The following SETSIP variants were observed in gnomAD, a reference collection of about 807,000 sequenced individuals.
SETSIP encodes protein SETSIP.
In SETSIP, 15 loss-of-function variants were observed where a neutral mutation model predicts 21.9. The ratio of observed to expected loss-of-function variants is 0.69; its 90% confidence interval spans 0.46 to 1.06. SETSIP has a LOEUF of 1.06. Among genes scored for constraint, SETSIP ranks in the 50% least tolerant of loss-of-function variants. The probability of loss-of-function intolerance (pLI) is 0.00; values close to 1 mark genes in which losing one functional copy is unlikely to be tolerated. For synonymous variants in SETSIP, 101 were observed against 121.2 expected (o/e 0.83, Z 1.09); for missense variants, 310 against 337.4 (o/e 0.92, Z 0.64).
At chr1:92,074,674 A>AACC in exon 1 of SETSIP, 1 of 1,584,160 alleles carries the variant, frequency 6.3e-7, no homozygotes, top group Non-Finnish European at 8.5e-7. Flanking sequence ...CATCATCATC[A>AACC]TCTTCTCCTC....
chr1:92,075,059 T>A lies in SETSIP; in HGVS notation c.353A>T (p.His118Leu). 5 of 1,611,956 alleles carry A rather than the reference T, an allele frequency of 3.1e-6. No individual in the cohort carries two copies. The Admixed American group carries it at 8.3e-5, about 27-fold the overall frequency. The stretch of plus-strand genomic sequence containing the variant: ...TGTCACTTCAACTTTAGTCAAATAA[T>A]GCAGTGCCTCTTCGTCCTCCTCCCC... The change falls in exon 1 of 1, where the codon CAT becomes CTT. Residue 118 changes from histidine to leucine, a missense_variant. Physicochemically the swap from His to Leu is moderately conservative, Grantham distance 99 (BLOSUM62 -3). Transcript: ENST00000596516.
chr1:92,075,303 C>T, exon 1 of SETSIP: 1 of 1,611,820 alleles, frequency 6.2e-7, no homozygotes, highest in South Asian at 1.1e-5. Context: ...TCTTTTTCTC[C>T]CTTCTTCGGC....
At chr1:92,075,402 T>G (rs2101882427) in exon 1 of SETSIP, 4 of 1,585,488 alleles carry the variant, frequency 2.5e-6, no homozygotes, top group Non-Finnish European at 3.4e-6. Flanking sequence ...GACTGGCGTT[T>G]AGGGGCCATG....
At chr1:92,074,674 A>T (rs1432028642) in exon 1 of SETSIP, 10 of 1,584,030 alleles carry the variant, frequency 6.3e-6, no homozygotes, top group South Asian at 4.7e-5. Flanking sequence ...CATCATCATC[A>T]TCTTCTCCTC....
chr1:92,074,709 C>G, exon 1 of SETSIP: 1 of 1,600,362 alleles, frequency 6.2e-7, no homozygotes, highest in Non-Finnish European at 8.5e-7. Flanking sequence ...ATATCAGGAA[C>G]CAAGTAATAC....
Position 92,075,000 on chromosome 1 carries a change from C to CA in SETSIP, c.411_412insT (p.Asp138Ter). 1.9e-6 allele frequency: 3 copies of CA among 1,611,446 alleles called. No homozygotes were observed. Among genetic ancestry groups the CA allele is most frequent in the East Asian group, 2.2e-5 (1 of 44,874 alleles). ...TAAGGATTTTCATCAAAATAAAAAT[C>CA]TATTCTGTAACCTGATTTAATATCT... is the stretch of plus-strand genomic sequence containing the variant. On this transcript the variant is annotated frameshift_variant, in exon 1 of 1. Coordinates refer to ENST00000596516, the Ensembl canonical transcript of SETSIP. LOFTEE classifies it high-confidence loss of function.
At chr1:92,075,182 C>T (rs972013634) in exon 1 of SETSIP, 24 of 1,611,474 alleles carry the variant, frequency 1.5e-5, no homozygotes, top group Middle Eastern at 2.2e-4. Flanking sequence ...AAATGGTTGG[C>T]GGAGTTTGTT....
chr1:92,074,554 C>T, exon 1 of SETSIP: 3 of 1,572,312 alleles, frequency 1.9e-6, no homozygotes, highest in African/African-American at 2.7e-5. Context: ...CTCCTTCATC[C>T]TCCTCTCCTT....
chr1:92,075,103 T>A (rs1171233142), exon 1 of SETSIP: 2 of 1,611,848 alleles, frequency 1.2e-6, no homozygotes, highest in Non-Finnish European at 1.7e-6. Context: ...AAGACACTTG[T>A]GGATGGTTGA....
chr1:92,074,978 G>C, exon 1 of SETSIP: 2 of 1,611,336 alleles, frequency 1.2e-6, no homozygotes, highest in Non-Finnish European at 1.7e-6. Flanking sequence ...TTCAAAGTAA[G>C]GATTTTCATC....
chr1:92,074,574 C>A lies in SETSIP; in HGVS notation c.838G>T (p.Glu280Ter), dbSNP rs1647796160. 25 of 1,572,722 alleles carry A rather than the reference C, an allele frequency of 1.6e-5. No individual in the cohort carries two copies. Among genetic ancestry groups the A allele is most frequent in the Non-Finnish European group, 2.1e-5 (25 of 1,166,132 alleles). Residue 280 changes from glutamate to a stop codon, truncating the protein, a stop_gained, in exon 1 of 1, where the codon GAA becomes TAA. Coordinates refer to ENST00000596516, the Ensembl canonical transcript of SETSIP. LOFTEE classifies it high-confidence loss of function. Reference sequence around the variant, plus strand: ...TCATCCTCCTCTCCTTCCTCCCCTTCATCATCATCTTCATCTTCTTCACCT... The same window carrying A: ...TCATCCTCCTCTCCTTCCTCCCCTTAATCATCATCTTCATCTTCTTCACCT...
Position 92,074,603 on chromosome 1 carries a change from TCCTCATC to T in SETSIP, c.802_808del (p.Asp268MetfsTer?). Reference sequence around the variant, plus strand: ...ATCATCTTCATCTTCTTCACCTTCATCCTCATCCCCTTCATCAATATCTTCTAATTCT... The same window carrying T: ...ATCATCTTCATCTTCTTCACCTTCATCCCTTCATCAATATCTTCTAATTCT... On this transcript the variant is annotated frameshift_variant, in exon 1 of 1. Transcript: ENST00000596516. LOFTEE classifies it high-confidence loss of function. 6.4e-7 allele frequency: 1 copy of T among 1,568,588 alleles called. No individual in the cohort carries two copies. Among genetic ancestry groups the T allele is most frequent in the Non-Finnish European group, 8.6e-7 (1 of 1,163,658 alleles).
exon 1 of SETSIP, chr1:92,075,278 A>G (rs1647814295): frequency 6.2e-7 from 1 of 1,611,920 alleles, no homozygotes; most frequent in Non-Finnish European, 8.5e-7. Context: ...AATGTGTTCA[A>G]TTGCTTCTTG....
In SETSIP at chr1:92,074,729, T is replaced by C. The variant is rs536674924; in HGVS notation, c.683A>G (p.Asn228Ser). Residue 228 changes from asparagine to serine, a missense_variant, in exon 1 of 1, where the codon AAC becomes AGC. Physicochemically the swap from Asn to Ser is conservative, Grantham distance 46 (BLOSUM62 1). Coordinates refer to ENST00000596516, the Ensembl canonical transcript of SETSIP. Reference sequence around the variant, plus strand: ...AGGAACCAAGTAATACTGTAATGGGTTTGGCCAAATATCATCTTTGATGAC... The same window carrying C: ...AGGAACCAAGTAATACTGTAATGGGCTTGGCCAAATATCATCTTTGATGAC... 3 of 1,606,686 alleles carry C rather than the reference T, an allele frequency of 1.9e-6. No individual in the cohort carries two copies. In the African/African-American group the frequency reaches 4.0e-5, roughly 21 times the overall value.
At chr1:92,075,377 T>C in exon 1 of SETSIP, 1 of 1,604,400 alleles carries the variant, frequency 6.2e-7, no homozygotes, top group Admixed American at 1.7e-5. Context: ...TTTCTTCTTT[T>C]GAAGTGGGAG....
rs370013355 is a variant in SETSIP at position 92,074,651 on chromosome 1, C to CCAT, written c.758_760dup (p.Asp253dup). Reference sequence around the variant, plus strand: ...TTCTAATTCTTCCTCCCCTTCATCACCATCATCATCATCATCATCATCATC... The same window carrying CCAT: ...TTCTAATTCTTCCTCCCCTTCATCACCATCATCATCATCATCATCATCATCATC... On this transcript the variant is annotated inframe_insertion, in exon 1 of 1. Coordinates refer to ENST00000596516, the Ensembl canonical transcript of SETSIP. 3,644 of 1,578,252 alleles carry CCAT rather than the reference C, an allele frequency of 2.3e-3. 41 individuals carry two copies. The African/African-American group carries it at 0.036, about 16-fold the overall frequency.
chr1:92,075,167 T>G (rs1647811582), exon 1 of SETSIP: 8 of 1,611,732 alleles, frequency 5.0e-6, no homozygotes, highest in Non-Finnish European at 6.8e-6. Context: ...TGACCTCTTC[T>G]GAAAAAATGG....
rs889292745 is a variant in SETSIP at position 92,074,948 on chromosome 1, T to A, written c.464A>T (p.Glu155Val). 13 of 1,611,542 alleles carry A rather than the reference T, an allele frequency of 8.1e-6. No homozygotes were observed. The African/African-American group carries it at 1.7e-4, about 22-fold the overall frequency. ...ATCACCACTCTCATTCAGATGAAAT[T>A]CTTTGGAGAAAACTTTATTTTCAAA... The change falls in exon 1 of 1, where the codon GAA becomes GTA. Residue 155 changes from glutamate to valine, a missense_variant. Physicochemically the swap from Glu to Val is moderately radical, Grantham distance 121. Transcript: ENST00000596516.
At chr1:92,074,669 T>A in exon 1 of SETSIP, 1 of 1,588,732 alleles carries the variant, frequency 6.3e-7, no homozygotes, top group Admixed American at 1.8e-5. Context: ...ATCATCATCA[T>A]CATCATCTTC....
Sources: gnomAD v4.1 joint callset for allele counts on GRCh38, gnomAD v4.1.1 for gene constraint, MANE v1.5 for transcripts, NCBI Gene and HGNC (gene_info 2026-07-23, HGNC 2026-07-21) for gene names.